The following MYH14 variants were observed in gnomAD, a reference collection of about 807,000 sequenced individuals.
MYH14 encodes the protein myosin heavy chain 14.
Under a neutral mutation model 255.5 loss-of-function variants are expected in MYH14, and 123 were observed. That is an observed-to-expected ratio of 0.48 (90% CI 0.42 to 0.56). The LOEUF (loss-of-function observed/expected upper bound fraction) is 0.56. Among genes scored for constraint, MYH14 ranks in the 20% least tolerant of loss-of-function variants. The pLI is 0.00. For synonymous variants in MYH14, 1,095 were observed against 1,161.2 expected (o/e 0.94, Z 1.16); for missense variants, 2,423 against 2,802.3 (o/e 0.86, Z 3.06).
chr19:50,260,836 CACGT>C lies in MYH14; in HGVS notation c.2424+122_2424+125del, dbSNP rs1367206934. 187 of 723,148 alleles carry C rather than the reference CACGT, an allele frequency of 2.6e-4. 1 individual carries two copies. In the African/African-American group the frequency reaches 3.1e-3, roughly 12 times the overall value. The allele number at this position is 723,148 out of a possible 1,614,324, so 44.8% of individuals were successfully genotyped here. A position where few individuals can be genotyped will look rare whatever the true frequency, so the allele number is the denominator to read the frequency against. ...GTGTGTGTGCAAGTGTGTGTGCATGCACGTGTGTGCGTGTGTGTGTGCATGCATA... is the reference window on the plus strand; with the variant it reads ...GTGTGTGTGCAAGTGTGTGTGCATGCGTGTGCGTGTGTGTGTGCATGCATA... On this transcript the variant is annotated intron_variant, in intron 20 of 42. Coordinates refer to ENST00000642316, the MANE Select transcript of MYH14 (RefSeq NM_001145809.2).
rs148277226 is a variant in MYH14, at chr19:50,277,469, G to A, written c.3825+568G>A. On this transcript the variant is annotated intron_variant, in intron 29 of 42. Coordinates refer to ENST00000642316, the MANE Select transcript of MYH14 (RefSeq NM_001145809.2). ...AAAAATACAAAAACTAGCTGGGCGT[G>A]GTGGCACACACGCCTATAGTCCCAG... is the stretch of plus-strand genomic sequence containing the variant. Among the ~76,000 whole-genome samples, 393 of 151,988 alleles carry A rather than the reference G, an allele frequency of 2.6e-3. 2 individuals carry two copies. Among genetic ancestry groups the A allele is most frequent in the African/African-American group, 8.5e-3 (354 of 41,426 alleles).
At chr19:50,220,848 C>T (rs941673684) in intron 3 of MYH14, among the ~76,000 whole-genome samples, 9 of 152,206 alleles carry the variant, frequency 5.9e-5, no homozygotes, top group South Asian at 2.1e-4. Flanking sequence ...CCACCATGCC[C>T]GGCCTAATAT....
rs2035490248 is a variant in MYH14 at position 50,275,984 on chromosome 19, C to T, written c.3468-7C>T. On this transcript the variant is annotated splice_region_variant and splice_polypyrimidine_tract_variant and intron_variant, in intron 27 of 42. Coordinates refer to ENST00000642316, the MANE Select transcript of MYH14 (RefSeq NM_001145809.2). ...TGTATCAACTCCACGGTTCTTGTCA[C>T]CCCCAGGGCAGAAGACGAGGGTGGG... 1.9e-6 allele frequency: 3 copies of T among 1,610,064 alleles called. No homozygotes were observed. Among genetic ancestry groups the T allele is most frequent in the African/African-American group, 1.3e-5 (1 of 74,880 alleles).
chr19:50,266,285 G>A lies in MYH14; in HGVS notation c.2695-592G>A, dbSNP rs2035077004. ...CTTAAGAAACACTGGCCTTTGGCCA[G>A]GCATGGTGGCTCATGCCTATATCCC... On this transcript the variant is annotated intron_variant, in intron 22 of 42. Transcript: ENST00000642316. The surrounding 1 kb of genome is among the most constrained non-coding windows in gnomAD (Gnocchi z 4.1). Among the ~76,000 whole-genome samples, 1 of 152,228 alleles carries A rather than the reference G, an allele frequency of 6.6e-6. No individual in the cohort carries two copies. Among genetic ancestry groups the A allele is most frequent in the Non-Finnish European group, 1.5e-5 (1 of 68,038 alleles).
chr19:50,289,481 A>G lies in MYH14; in HGVS notation c.4798A>G (p.Asn1600Asp). The part of the protein sequence containing the change: ...RACRVAEQAA[N>D]DLRAQVTELE... ...CTGCCGGGTAGCAGAACAGGCAGCC[A>G]ATGATCTGCGAGCACAGGTGACAGA... is the stretch of plus-strand genomic sequence containing the variant. Residue 1600 changes from asparagine to aspartate, a missense_variant, in exon 35 of 43, where the codon AAT becomes GAT. Physicochemically the swap from Asn to Asp is conservative, Grantham distance 23. Transcript: ENST00000642316. The G allele has an allele frequency of 6.2e-7, 1 of 1,612,890 alleles. No individual in the cohort carries two copies.
chr19:50,223,044 T>G, intron 3 of MYH14, 39 bp from the exon 4 acceptor site: 1 of 1,600,418 alleles, frequency 6.2e-7, no homozygotes, highest in East Asian at 2.2e-5. Flanking sequence ...TGCTAGAGAC[T>G]CTCTCAGATG....
At chr19:50,292,184 G>A (rs1221312338) in intron 36 of MYH14, 77 bp from the exon 37 acceptor site, 12 of 1,421,092 alleles carry the variant, frequency 8.4e-6, no homozygotes, top group South Asian at 1.6e-5. Flanking sequence ...GAGCCCCGTC[G>A]GTCTGGCAAG....
chr19:50,281,511 A>AT, intron 32 of MYH14, 83 bp from the exon 33 acceptor site: 2 of 1,507,500 alleles, frequency 1.3e-6, no homozygotes, highest in Non-Finnish European at 1.8e-6. Context: ...CAGTCTCTTC[A>AT]TCCTGGAAAT....
At chr19:50,217,907 G>C in intron 3 of MYH14, 136 bp downstream of exon 3, 3 of 1,053,406 alleles carry the variant, frequency 2.8e-6, no homozygotes, top group Non-Finnish European at 4.1e-6. Flanking sequence ...GGGGGCTGGA[G>C]GGAGCACAAG....
chr19:50,235,314 C>T (rs2033610645), intron 10 of MYH14, among the ~76,000 whole-genome samples: 1 of 150,890 alleles, frequency 6.6e-6, no homozygotes, highest in Non-Finnish European at 1.5e-5. Context: ...GCCAAGATCT[C>T]ACCACTGCAC....
chr19:50,255,173 C>A, intron 16 of MYH14, 47 bp from the exon 17 acceptor site: 1 of 1,258,282 alleles, frequency 7.9e-7, no homozygotes, highest in Non-Finnish European at 1.1e-6. Flanking sequence ...CGCCATCTCT[C>A]TGCCATCTCC....
chr19:50,309,257 G>A (rs2036762068), intron 42 of MYH14, 80 bp downstream of exon 42: 4 of 1,415,964 alleles, frequency 2.8e-6, no homozygotes, highest in Admixed American at 1.7e-5. Context: ...GGCCGTGCCA[G>A]GGGCAACAAC....
chr19:50,224,039 T>TA, intron 5 of MYH14, 115 bp from the exon 6 acceptor site: 1 of 415,104 alleles, frequency 2.4e-6, no homozygotes, highest in East Asian at 4.7e-5. Context: ...GTTTCCCCAG[T>TA]CCCCCTTCCC....
At position 50,289,559 on chromosome 19, in the gene MYH14, A is replaced by G; in HGVS notation, c.4876A>G (p.Thr1626Ala). ...GGATGCCAAGCTGCGTCTGGAGGTG[A>G]CTGTGCAGGCTCTCAAGACTCAGCA... ...AEDAKLRLEV[T>A]VQALKTQHER... Residue 1626 changes from threonine (T) to alanine (A), a missense_variant, in exon 35 of 43, where the codon ACT becomes GCT. Physicochemically the swap from Thr to Ala is moderately conservative, Grantham distance 58. Coordinates refer to ENST00000642316, the MANE Select transcript of MYH14 (RefSeq NM_001145809.2). 6.2e-7 allele frequency: 1 copy of G among 1,613,052 alleles called. No individual in the cohort carries two copies. The highest frequency in any genetic ancestry group is 8.5e-7 in the Non-Finnish European group (1 of 1,179,614).
intron 9 of MYH14, among the ~76,000 whole-genome samples, chr19:50,231,506 G>A (rs1349086448): frequency 6.6e-6 from 1 of 152,144 alleles, no homozygotes; most frequent in African/African-American, 2.4e-5. Context: ...CCAGGAATTT[G>A]AGTCCAGCCT....
At chr19:50,225,092 A>T (rs549876591) in intron 6 of MYH14, among the ~76,000 whole-genome samples, 1 of 152,358 alleles carries the variant, frequency 6.6e-6, no homozygotes, top group Admixed American at 6.5e-5. Flanking sequence ...TCTACAAGCA[A>T]CACATGAGTA....
chr19:50,255,120 C>T (rs1184711985), intron 16 of MYH14, 100 bp from the exon 17 acceptor site: 2 of 769,354 alleles, frequency 2.6e-6, no homozygotes, highest in African/African-American at 1.7e-5. Context: ...TCTTTTTCTT[C>T]CTGCCACCTC....
chr19:50,272,092 C>T, intron 26 of MYH14, 120 bp downstream of exon 26: 1 of 1,364,694 alleles, frequency 7.3e-7, no homozygotes, highest in Non-Finnish European at 1.0e-6. Context: ...AAGGAAGGCT[C>T]AGGGCAGATT....
At chr19:50,226,090 C>T (rs2033085356) in intron 7 of MYH14, among the ~76,000 whole-genome samples, 1 of 19,226 alleles carries the variant, frequency 5.2e-5, no homozygotes. Flanking sequence ...GGGCTGGGGG[C>T]CTGGACTTTT....
Sources: gnomAD v4.1 joint callset for allele counts (sites outside exome capture counted in the v4.1 genomes callset) on GRCh38, gnomAD v4.1.1 for gene constraint, Gnocchi (gnomAD v3.1) non-coding constraint, MANE v1.5 for transcripts, NCBI Gene and HGNC (gene_info 2026-07-23, HGNC 2026-07-21) for gene names.